EPHB2: variants seen among roughly 807,000 people sequenced by gnomAD.
EPHB2 encodes ephrin type-B receptor 2.
A neutral mutation model predicts 96.4 loss-of-function variants in EPHB2; 18 were observed. That is an observed-to-expected ratio of 0.19 (90% CI 0.13 to 0.28). The LOEUF (loss-of-function observed/expected upper bound fraction) is 0.28, where lower values mean the gene tolerates loss of function less well. Among genes scored for constraint, EPHB2 ranks in the 10% least tolerant of loss-of-function variants. EPHB2 has a pLI of 1.00. For synonymous variants in EPHB2, 506 were observed against 534.1 expected (o/e 0.95, Z 0.72); for missense variants, 989 against 1,355.4 (o/e 0.73, Z 4.25).
intron 3 of EPHB2, among the ~76,000 whole-genome samples, chr1:22,838,632 G>A (rs544712203): frequency 4.9e-4 from 74 of 152,270 alleles, no homozygotes; most frequent in Middle Eastern, 6.8e-3. Flanking sequence ...ATGATTTTTC[G>A]GAAAATGATA....
At position 22,745,751 on chromosome 1, in the gene EPHB2, T is replaced by C. The variant is rs74361251; in HGVS notation, c.61+34708T>C. 3.8e-3 allele frequency among the ~76,000 whole-genome samples: 580 copies of C among 151,874 alleles called. 29 individuals are homozygous for C. In the East Asian group the frequency reaches 0.094, roughly 25 times the overall value. On this transcript the variant is annotated intron_variant, in intron 1 of 15. Coordinates refer to ENST00000374630, the MANE Select transcript of EPHB2 (RefSeq NM_017449.5). ...CTAGCTCACGGTGGGCGCTTGGCAA[T>C]GGGGGGCTTTGTTGATGTCATTCAG... is the stretch of plus-strand genomic sequence containing the variant.
chr1:22,781,655 C>T (rs892664274), intron 2 of EPHB2, among the ~76,000 whole-genome samples, 170 bp downstream of exon 2: 1 of 148,618 alleles, frequency 6.7e-6, no homozygotes, highest in East Asian at 2.1e-4. Context: ...GAGCCATGAT[C>T]CCCTACCATT....
Position 22,910,572 on chromosome 1 carries a change from C to G in EPHB2, c.2693C>G (p.Ser898Cys). The change falls in exon 14 of 16, where the codon TCT becomes TGT. Residue 898 changes from serine to cysteine, a missense_variant. By Grantham distance (112) the Ser-to-Cys change is moderately radical. Coordinates refer to ENST00000374630, the MANE Select transcript of EPHB2 (RefSeq NM_017449.5). ...NSLKAMAPLS[S>C]GINLPLLDRT... ...CTCAAAGCCATGGCGCCCCTCTCCT[C>G]TGGGTAAGGCCCCACCCTGGCCCTG... The G allele has an allele frequency of 6.2e-7, 1 of 1,614,132 alleles. No homozygotes were observed. The highest frequency in any genetic ancestry group is 1.1e-5 in the South Asian group (1 of 91,084).
At position 22,906,919 on chromosome 1, in the gene EPHB2, G is replaced by A. The variant is rs1427054038; in HGVS notation, c.2098G>A (p.Glu700Lys). 32 of 1,613,268 alleles carry A rather than the reference G, an allele frequency of 2.0e-5. No individual in the cohort carries two copies. The highest frequency in any genetic ancestry group is 2.6e-5 in the Non-Finnish European group (31 of 1,179,272). ...TKSTPVMIIT[E>K]FMENGSLDSF... The stretch of plus-strand genomic sequence containing the variant: ...GAGCACACCTGTGATGATCATCACC[G>A]AGTTCATGGAGAATGGCTCCCTGGA... The change falls in exon 11 of 16, where the codon GAG (glutamate) becomes AAG (lysine). Residue 700 changes from glutamate (E) to lysine (K), a missense_variant. Coordinates refer to ENST00000374630, the MANE Select transcript of EPHB2 (RefSeq NM_017449.5). This position sits in a 1 kb window ranked among gnomAD's most constrained non-coding sequence, Gnocchi z 4.8.
chr1:22,857,028 G>T (rs1282121226), intron 3 of EPHB2, among the ~76,000 whole-genome samples: 1 of 152,172 alleles, frequency 6.6e-6, no homozygotes, highest in Admixed American at 6.5e-5. Flanking sequence ...AGGTGCTGGG[G>T]ATGCAGAAGT....
chr1:22,902,412 C>T (rs1639779939), intron 9 of EPHB2, among the ~76,000 whole-genome samples: 1 of 152,198 alleles, frequency 6.6e-6, no homozygotes, highest in African/African-American at 2.4e-5. Context: ...CACATAAGTA[C>T]TCCAGAGCCA....
At chr1:22,830,632 A>G (rs1645290978) in intron 3 of EPHB2, among the ~76,000 whole-genome samples, 1 of 152,140 alleles carries the variant, frequency 6.6e-6, no homozygotes, top group Admixed American at 6.5e-5. Context: ...ATCTCAGCTC[A>G]CTGCAACCTC....
chr1:22,781,344 AAGG>A, intron 1 of EPHB2, 74 bp from the exon 2 acceptor site: 1 of 1,343,268 alleles, frequency 7.4e-7, no homozygotes, highest in Non-Finnish European at 1.0e-6. Flanking sequence ...AAAGAAGAAG[AAGG>A]ATGAGGGCCC....
At chr1:22,885,159 C>G (rs1018862408) in intron 6 of EPHB2, among the ~76,000 whole-genome samples, 1 of 152,138 alleles carries the variant, frequency 6.6e-6, no homozygotes, top group Non-Finnish European at 1.5e-5. Flanking sequence ...CTCCCAGGCT[C>G]TGCAGGAGCC....
chr1:22,727,797 A>C (rs1276239352), intron 1 of EPHB2, among the ~76,000 whole-genome samples: 746 of 61,864 alleles, frequency 0.012, 4 homozygotes, highest in African/African-American at 0.034. Flanking sequence ...AAAAAAAAAC[A>C]AAAAAAAAAA....
At chr1:22,799,127 T>C (rs1557681038) in intron 3 of EPHB2, among the ~76,000 whole-genome samples, 1 of 152,182 alleles carries the variant, frequency 6.6e-6, no homozygotes, top group Non-Finnish European at 1.5e-5. Context: ...ATTTGAGTTC[T>C]GGGACCCCAG....
At chr1:22,836,218 C>T (rs888155487) in intron 3 of EPHB2, among the ~76,000 whole-genome samples, 6 of 152,200 alleles carry the variant, frequency 3.9e-5, no homozygotes, top group African/African-American at 1.4e-4. Context: ...AGAGCATGTG[C>T]GTCCAAGAGA....
intron 1 of EPHB2, among the ~76,000 whole-genome samples, chr1:22,754,090 G>A (rs1644106733): frequency 6.6e-6 from 1 of 152,156 alleles, no homozygotes; most frequent in Admixed American, 6.5e-5. Flanking sequence ...TGTTCTGTGG[G>A]CTCCTTAGGG....
At chr1:22,775,487 G>A (rs1644437438) in intron 1 of EPHB2, among the ~76,000 whole-genome samples, 1 of 152,270 alleles carries the variant, frequency 6.6e-6, no homozygotes, top group Non-Finnish European at 1.5e-5. Flanking sequence ...AGACAGAGCT[G>A]GCTAGGGGTG....
chr1:22,819,213 C>CTCTCTCTCTCTT (rs1465687926), intron 3 of EPHB2, among the ~76,000 whole-genome samples: 1 of 135,542 alleles, frequency 7.4e-6, no homozygotes, highest in Non-Finnish European at 1.6e-5. Flanking sequence ...ATGTCTCTCT[C>CTCTCTCTCTCTT]TCTCTCTCTC....
At chr1:22,761,345 GATA>G (rs1274726480) in intron 1 of EPHB2, among the ~76,000 whole-genome samples, 2 of 152,194 alleles carry the variant, frequency 1.3e-5, no homozygotes, top group Non-Finnish European at 2.9e-5. Flanking sequence ...CGTGGGGGGA[GATA>G]ATTATTATTT....
In EPHB2 at chr1:22,860,685, G is replaced by A. The variant is rs1645780931; in HGVS notation, c.812-2352G>A. Among the ~76,000 whole-genome samples, 2 of 152,190 alleles carry A rather than the reference G, an allele frequency of 1.3e-5. No homozygotes were observed. The highest frequency in any genetic ancestry group is 1.3e-4 in the Admixed American group (2 of 15,278). On this transcript the variant is annotated intron_variant, in intron 3 of 15. Coordinates refer to ENST00000374630, the MANE Select transcript of EPHB2 (RefSeq NM_017449.5). This position sits in a 1 kb window ranked among gnomAD's most constrained non-coding sequence, Gnocchi z 4.6. ...CAGGCTGTCTCCAGAGAGGGAGCAG[G>A]AGGAGCCTGATCTTGGGGCCAAAAC...
rs28936395 is a variant in EPHB2, at chr1:22,906,853, G to A, written c.2032G>A (p.Asp678Asn). Residue 678 changes from aspartate (D) to asparagine (N), a missense_variant, in exon 11 of 16, where the codon GAC becomes AAC. Transcript: ENST00000374630. The surrounding 1 kb of genome is among the most constrained non-coding windows in gnomAD (Gnocchi z 4.8). Reference protein sequence around the residue: ...LSEASIMGQFDHPNVIHLEGV... With the variant: ...LSEASIMGQFNHPNVIHLEGV... ...CGAAGCCTCCATCATGGGCCAGTTC[G>A]ACCATCCCAACGTCATCCACCTGGA... The A allele has an allele frequency of 5.4e-3, 8,643 of 1,614,172 alleles. 34 individuals carry two copies. The highest frequency in any genetic ancestry group is 6.6e-3 in the Non-Finnish European group (7,760 of 1,180,034).
intron 1 of EPHB2, among the ~76,000 whole-genome samples, chr1:22,743,795 AG>A: frequency 6.6e-6 from 1 of 152,340 alleles, no homozygotes; most frequent in African/African-American, 2.4e-5. Flanking sequence ...AGTAGATGAT[AG>A]CCCCAAAGCT....
Sources: gnomAD v4.1 joint callset for allele counts (sites outside exome capture counted in the v4.1 genomes callset) on GRCh38, gnomAD v4.1.1 for gene constraint, Gnocchi (gnomAD v3.1) non-coding constraint, MANE v1.5 for transcripts, NCBI Gene and HGNC (gene_info 2026-07-23, HGNC 2026-07-21) for gene names.